The following CACHD1 variants were observed in gnomAD, a reference collection of about 807,000 sequenced individuals.
CACHD1 encodes cache domain containing 1, also known as VWFA and cache domain-containing protein 1.
In CACHD1, 71 loss-of-function variants were observed where a neutral mutation model predicts 138.7. That is an observed-to-expected ratio of 0.51 (90% CI 0.42 to 0.62). CACHD1 has a LOEUF of 0.62. Among genes scored for constraint, CACHD1 ranks in the 20% least tolerant of loss-of-function variants. The pLI is 0.00. For missense variants in CACHD1, 1,389 were observed against 1,625.3 expected, an observed-to-expected ratio of 0.85 and a Z score of 2.50; for synonymous variants, 578 against 591.5, an observed-to-expected ratio of 0.98 and a Z score of 0.33.
chr1:64,549,417 G>A (rs1179978323), intron 1 of CACHD1, among the ~76,000 whole-genome samples: 2 of 152,050 alleles, frequency 1.3e-5, no homozygotes, highest in Non-Finnish European at 2.9e-5. Flanking sequence ...ATGATGGGAG[G>A]CACCATGATT....
intron 5 of CACHD1, among the ~76,000 whole-genome samples, chr1:64,630,609 G>T (rs1047360770): frequency 6.6e-6 from 1 of 152,130 alleles, no homozygotes; most frequent in Non-Finnish European, 1.5e-5. Context: ...TATTGTGTGT[G>T]TGGTTTCTTC....
chr1:64,603,383 C>T (rs1216391404), intron 4 of CACHD1, among the ~76,000 whole-genome samples: 2 of 152,048 alleles, frequency 1.3e-5, no homozygotes, highest in Non-Finnish European at 2.9e-5. Flanking sequence ...AGATTACAGG[C>T]GTGAGCCACC....
chr1:64,610,789 T>C (rs1048160709), intron 4 of CACHD1, among the ~76,000 whole-genome samples: 2 of 152,124 alleles, frequency 1.3e-5, no homozygotes, highest in African/African-American at 4.8e-5. Flanking sequence ...TCTCAAAACT[T>C]TGCTAGGCAG....
chr1:64,507,106 G>GT, intron 1 of CACHD1, among the ~76,000 whole-genome samples: 1 of 152,220 alleles, frequency 6.6e-6, no homozygotes, highest in East Asian at 1.9e-4. Context: ...TCGTAAATTA[G>GT]TATGTGTTTC....
intron 1 of CACHD1, among the ~76,000 whole-genome samples, chr1:64,547,861 C>T (rs1646729722): frequency 6.6e-6 from 1 of 152,194 alleles, no homozygotes; most frequent in Non-Finnish European, 1.5e-5. Flanking sequence ...CGAACTATAA[C>T]CTAACACATC....
At chr1:64,666,848 C>CAAAAAAAAAAAAAAAA (rs946649209) in intron 16 of CACHD1, among the ~76,000 whole-genome samples, 1 of 33,960 alleles carries the variant, frequency 2.9e-5, no homozygotes, top group Non-Finnish European at 5.6e-5. Flanking sequence ...GATCCTGTCT[C>CAAAAAAAAAAAAAAAA]AAAAAAAAAA....
chr1:64,613,350 GTAAAAATA>G (rs996073815), intron 4 of CACHD1: 9 of 142,748 alleles, frequency 6.3e-5, no homozygotes, highest in Non-Finnish European at 1.1e-4. Flanking sequence ...GTAGTGTAGT[GTAAAAATA>G]TAAAAATATA....
At chr1:64,681,938 C>A in intron 25 of CACHD1, 67 bp from the exon 26 acceptor site, 1 of 1,362,488 alleles carries the variant, frequency 7.3e-7, no homozygotes, top group Non-Finnish European at 1.1e-6. Context: ...CCTCTCAGAG[C>A]AAATGTGTTT....
At chr1:64,643,563 T>G (rs899493935) in intron 8 of CACHD1, among the ~76,000 whole-genome samples, 3 of 152,136 alleles carry the variant, frequency 2.0e-5, no homozygotes, top group East Asian at 1.9e-4. Flanking sequence ...AAGACCGAGC[T>G]CGGTGGCTCA....
intron 16 of CACHD1, among the ~76,000 whole-genome samples, chr1:64,667,371 G>C (rs1047200736): frequency 2.0e-5 from 3 of 152,156 alleles, no homozygotes; most frequent in Non-Finnish European, 4.4e-5. Context: ...AGCAAGAATT[G>C]GGAGGCCATA....
chr1:64,530,590 G>T (rs749904688), intron 1 of CACHD1, among the ~76,000 whole-genome samples: 1 of 151,952 alleles, frequency 6.6e-6, no homozygotes, highest in South Asian at 2.1e-4. Flanking sequence ...AGGAATGAGC[G>T]CCAGGTGCGG....
At chr1:64,578,634 C>A (rs1263396330) in intron 2 of CACHD1, among the ~76,000 whole-genome samples, 2 of 152,168 alleles carry the variant, frequency 1.3e-5, no homozygotes, top group Admixed American at 6.5e-5. Flanking sequence ...ACTCTGGGGG[C>A]TGAAATTATC....
At position 64,521,709 on chromosome 1, in the gene CACHD1, C is replaced by A. The variant is rs1570327457; in HGVS notation, c.199-28885C>A. Among the ~76,000 whole-genome samples the A allele has an allele frequency of 2.0e-5, 3 of 152,054 alleles. No homozygotes were observed. The South Asian group carries it at 6.2e-4, about 32-fold the overall frequency. On this transcript the variant is annotated intron_variant, in intron 1 of 26. Transcript: ENST00000651257. ...TTGATATAGATATACATTTTCATTT[C>A]TCTTGGGTATATGTTTTTGAGTGGT... is the stretch of plus-strand genomic sequence containing the variant.
chr1:64,623,065 A>G (rs1647972827), intron 4 of CACHD1, among the ~76,000 whole-genome samples: 1 of 152,174 alleles, frequency 6.6e-6, no homozygotes, highest in Non-Finnish European at 1.5e-5. Context: ...TAAAATTATC[A>G]TTGCTTCTAT....
At chr1:64,589,241 T>C (rs2100552174) in intron 3 of CACHD1, among the ~76,000 whole-genome samples, 1 of 152,252 alleles carries the variant, frequency 6.6e-6, no homozygotes, top group Non-Finnish European at 1.5e-5. Context: ...ATAGGACTCA[T>C]CTCATCTTTT....
chr1:64,686,011 C>T (rs1358715349), intron 26 of CACHD1, among the ~76,000 whole-genome samples: 1 of 152,048 alleles, frequency 6.6e-6, no homozygotes, highest in Non-Finnish European at 1.5e-5. Context: ...TGCATGTATT[C>T]ATATGCTTGA....
At chr1:64,521,969 G>A (rs1235019947) in intron 1 of CACHD1, among the ~76,000 whole-genome samples, 2 of 48,684 alleles carry the variant, frequency 4.1e-5, no homozygotes, top group Admixed American at 2.6e-4. Context: ...TTTTAATTTC[G>A]ACAAAGTTTA....
chr1:64,681,582 C>G (rs1426902030), intron 25 of CACHD1, among the ~76,000 whole-genome samples: 2 of 124,738 alleles, frequency 1.6e-5, no homozygotes, highest in Non-Finnish European at 3.1e-5. Flanking sequence ...GTGTGTTGGC[C>G]TAAAACAGCT....
At chr1:64,664,438 C>T in intron 14 of CACHD1, 60 bp from the exon 15 acceptor site, 1 of 1,508,882 alleles carries the variant, frequency 6.6e-7, no homozygotes, top group Non-Finnish European at 9.1e-7. Context: ...CTGCCAGCAG[C>T]CCACTCTCTT....
Sources: gnomAD v4.1 joint callset for allele counts (sites outside exome capture counted in the v4.1 genomes callset) on GRCh38, gnomAD v4.1.1 for gene constraint, MANE v1.5 for transcripts, NCBI Gene and HGNC (gene_info 2026-07-23, HGNC 2026-07-21) for gene names.